Variants in KDM4B observed in about 807,000 individuals in gnomAD.
KDM4B encodes lysine demethylase 4B.
KDM4B carries 32 observed loss-of-function variants against 125.2 expected under a neutral mutation model. That is an observed-to-expected ratio of 0.26 (90% CI 0.19 to 0.34). The LOEUF (loss-of-function observed/expected upper bound fraction) is 0.34, where lower values mean the gene tolerates loss of function less well. KDM4B is among the 10% of genes least tolerant of loss of function. The pLI is 1.00. For missense variants in KDM4B, 1,190 were observed against 1,577.7 expected (o/e 0.75, Z 4.16); for synonymous variants, 721 against 677.9 (o/e 1.06, Z -0.99).
chr19:5,045,354 G>A (rs1390642197), intron 5 of KDM4B, among the ~76,000 whole-genome samples: 1 of 152,024 alleles, frequency 6.6e-6, no homozygotes, highest in African/African-American at 2.4e-5. Context: ...TTTCCTTGGT[G>A]AGCTCTCTTC....
chr19:5,119,334 C>G, intron 10 of KDM4B: 1 of 723,680 alleles, frequency 1.4e-6, no homozygotes, highest in Non-Finnish European at 2.3e-6. Flanking sequence ...TCCTGCCGCC[C>G]CGTCCCGCCC....
At chr19:4,999,075 G>A (rs373407732) in intron 1 of KDM4B, among the ~76,000 whole-genome samples, 4 of 152,120 alleles carry the variant, frequency 2.6e-5, no homozygotes, top group Admixed American at 6.5e-5. Flanking sequence ...CTCCTCAAAC[G>A]TTCACTGCTT....
At chr19:5,057,681 G>A (rs1048576821) in intron 6 of KDM4B, among the ~76,000 whole-genome samples, 16 of 152,164 alleles carry the variant, frequency 1.1e-4, no homozygotes, top group African/African-American at 3.6e-4. Context: ...AGAGACGTCC[G>A]ATCTGCCCTT....
chr19:5,093,478 G>A (rs2038753283), intron 9 of KDM4B, among the ~76,000 whole-genome samples: 1 of 152,190 alleles, frequency 6.6e-6, no homozygotes, highest in Admixed American at 6.5e-5. Context: ...TTGTTTTGTT[G>A]ACGCGGCTGC....
At position 5,050,908 on chromosome 19, in the gene KDM4B, T is replaced by TA; in HGVS notation, c.626+3245dup. On this transcript the variant is annotated intron_variant, in intron 6 of 22. Coordinates refer to ENST00000159111, the MANE Select transcript of KDM4B (RefSeq NM_015015.3). Reference sequence around the variant, plus strand: ...GAGTGAGACTCCGTCTCAAAATAAATAAAAAATAAATAAATAAAAAGACCC... The same window carrying TA: ...GAGTGAGACTCCGTCTCAAAATAAATAAAAAAATAAATAAATAAAAAGACCC... Among the ~76,000 whole-genome samples the TA allele has an allele frequency of 1.3e-5, 2 of 151,906 alleles. 1 individual carries two copies. Among genetic ancestry groups the TA allele is most frequent in the Middle Eastern group, 6.8e-3 (2 of 294 alleles).
Position 5,060,728 on chromosome 19 carries a change from CCTGTGTCCCTGGCA to C in KDM4B, c.627-10273_627-10260del, listed in dbSNP as rs2037567823. ...AGGGAGGTTGCTGTGTGTCAGTGGC[CCTGTGTCCCTGGCA>C]CTGTGTCCGAACCTGACAGCCGCCG... On this transcript the variant is annotated intron_variant, in intron 6 of 22. Coordinates refer to ENST00000159111, the MANE Select transcript of KDM4B (RefSeq NM_015015.3). Among the ~76,000 whole-genome samples, 2 of 152,108 alleles carry C rather than the reference CCTGTGTCCCTGGCA, an allele frequency of 1.3e-5. 1 individual carries two copies. The highest frequency in any genetic ancestry group is 4.1e-4 in the South Asian group (2 of 4,828).
At chr19:5,131,843 G>T (rs751246561) in intron 12 of KDM4B, 44 bp from the exon 13 acceptor site, 1 of 1,612,038 alleles carries the variant, frequency 6.2e-7, no homozygotes. Context: ...CCCCACCCAG[G>T]GGTCTGTAGC....
chr19:4,990,982 G>A (rs1226432695), intron 1 of KDM4B, among the ~76,000 whole-genome samples: 6 of 152,028 alleles, frequency 3.9e-5, no homozygotes, highest in South Asian at 2.1e-4. Flanking sequence ...TTAGCTGGGC[G>A]TGATGGCGGG....
intron 1 of KDM4B, among the ~76,000 whole-genome samples, chr19:4,977,008 CT>C (rs1244762981): frequency 1.3e-5 from 2 of 152,132 alleles, no homozygotes; most frequent in Middle Eastern, 3.2e-3. Flanking sequence ...CAAAAGTTGC[CT>C]GTCTTTTTTT....
In KDM4B at chr19:5,133,917, T is replaced by A; in HGVS notation, c.1941T>A (p.Ser647Arg). The A allele has an allele frequency of 6.2e-7, 1 of 1,613,074 alleles. No homozygotes were observed. The change falls in exon 14 of 23, where the codon AGT (serine) becomes AGA (arginine). Residue 647 changes from serine to arginine, a missense_variant. Coordinates refer to ENST00000159111, the MANE Select transcript of KDM4B (RefSeq NM_015015.3). ...CTTTCTCCGGGGAGGAAGATGTGAG[T>A]GACCCGGACGCCTTGAGGCCGCTGC... ...ASPFSGEEDV[S>R]DPDALRPLLS...
Position 5,119,830 on chromosome 19 carries a change from C to A in KDM4B, c.1293C>A (p.Gly431=). 1 of 1,545,246 alleles carries A rather than the reference C, an allele frequency of 6.5e-7. No individual in the cohort carries two copies. Residue 431 remains glycine (G), a synonymous_variant, in exon 11 of 23, where the codon GGC becomes GGA. Transcript: ENST00000159111. ...AGGAGCCGCAGCCACTGCCACACGGCCGGGAGGCCGAGGGCGCAGAAGGTC... is the reference window on the plus strand; with the variant it reads ...AGGAGCCGCAGCCACTGCCACACGGACGGGAGGCCGAGGGCGCAGAAGGTC... ...EEEEPQPLPH[G]REAEGAEEDG...
At position 5,067,446 on chromosome 19, in the gene KDM4B, A is replaced by G. The variant is rs1206426526; in HGVS notation, c.627-3564A>G. 2.6e-5 allele frequency among the ~76,000 whole-genome samples: 4 copies of G among 152,136 alleles called. No homozygotes were observed. The East Asian group carries it at 7.7e-4, about 29-fold the overall frequency. On this transcript the variant is annotated intron_variant, in intron 6 of 22. Transcript: ENST00000159111. ...TGGCTGCAGAGGGCTGGCCACACAC[A>G]GCCCCAGTCCTGGGGACGTGCTCTG...
At chr19:5,086,557 C>T (rs570358513) in intron 9 of KDM4B, among the ~76,000 whole-genome samples, 2 of 152,338 alleles carry the variant, frequency 1.3e-5, no homozygotes, top group African/African-American at 2.4e-5. Flanking sequence ...AGCCAAGAGG[C>T]GTGTGCTGCC....
At chr19:5,119,511 C>A in intron 10 of KDM4B, 142 bp from the exon 11 acceptor site, 1 of 843,570 alleles carries the variant, frequency 1.2e-6, no homozygotes, top group Non-Finnish European at 2.0e-6. Flanking sequence ...CCTTTACCCC[C>A]GGCCTCCAGC....
intron 21 of KDM4B, among the ~76,000 whole-genome samples, chr19:5,146,026 A>G (rs2039835718): frequency 6.6e-6 from 1 of 152,066 alleles, no homozygotes; most frequent in Non-Finnish European, 1.5e-5. Context: ...AGTGCCCAGG[A>G]CCACCCCTAC....
At chr19:4,972,194 C>T (rs1181004398) in intron 1 of KDM4B, among the ~76,000 whole-genome samples, 3 of 152,192 alleles carry the variant, frequency 2.0e-5, no homozygotes, top group Non-Finnish European at 2.9e-5. Context: ...GTCTTGACGA[C>T]GTCTCTGGAT....
At chr19:5,118,572 C>T (rs1370475724) in intron 10 of KDM4B, among the ~76,000 whole-genome samples, 1 of 152,208 alleles carries the variant, frequency 6.6e-6, no homozygotes, top group African/African-American at 2.4e-5. Flanking sequence ...CGGCTTCTGC[C>T]TGAGCCCCCT....
intron 5 of KDM4B, among the ~76,000 whole-genome samples, chr19:5,041,710 C>T (rs2145670736): frequency 6.6e-6 from 1 of 152,366 alleles, no homozygotes. Flanking sequence ...GCTGGAGCGT[C>T]CTCTTGTCCA....
At chr19:5,031,546 A>T (rs754051219) in intron 2 of KDM4B, among the ~76,000 whole-genome samples, 25 of 152,204 alleles carry the variant, frequency 1.6e-4, no homozygotes, top group African/African-American at 6.0e-4. Context: ...TGTCAAACCC[A>T]GTGGGGGTCT....
Sources: gnomAD v4.1 joint callset for allele counts (sites outside exome capture counted in the v4.1 genomes callset) on GRCh38, gnomAD v4.1.1 for gene constraint, MANE v1.5 for transcripts, NCBI Gene and HGNC (gene_info 2026-07-23, HGNC 2026-07-21) for gene names.